PLSCR5: variants seen among roughly 807,000 people sequenced by gnomAD.
The protein encoded by PLSCR5 is phospholipid scramblase family member 5.
A neutral mutation model predicts 33.6 loss-of-function variants in PLSCR5; 44 were observed. The ratio of observed to expected loss-of-function variants is 1.31; its 90% CI spans 1.03 to 1.69. PLSCR5 has a LOEUF of 1.69. PLSCR5 is among the 40% of genes most tolerant of loss of function. PLSCR5 has a pLI of 0.00. For synonymous variants in PLSCR5, 148 were observed against 112.3 expected, an observed-to-expected ratio of 1.32 and a Z score of -2.01; for missense variants, 375 against 318.7, an observed-to-expected ratio of 1.18 and a Z score of -1.34.
At position 146,600,432 on chromosome 3, in the gene PLSCR5, A is replaced by G; in HGVS notation, c.45T>C (p.Gly15=). ...CTGGGTCTGGAGCTCCAGGAAGAAA[A>G]CCAGGCAGACCTCTTCTTTGGTTCT... ...DAQNQRRGLP[G]FLPGAPDPDQ... is the part of the protein sequence containing the mutation. The change falls in exon 2 of 8, where the codon GGT becomes GGC. Residue 15 remains glycine (G), a synonymous_variant. Coordinates refer to ENST00000443512, the MANE Select transcript of PLSCR5 (RefSeq NM_001085420.2). 6.2e-7 allele frequency: 1 copy of G among 1,601,604 alleles called. No individual in the cohort carries two copies. The highest frequency in any genetic ancestry group is 8.5e-7 in the Non-Finnish European group (1 of 1,172,514).
At chr3:146,599,180 C>CAGAT (rs2051232938) in intron 2 of PLSCR5, among the ~76,000 whole-genome samples, 5 of 152,188 alleles carry the variant, frequency 3.3e-5, no homozygotes, top group Admixed American at 3.3e-4. Context: ...CCATAAAATT[C>CAGAT]AGATAGTGAT....
At chr3:146,600,744 GTA>G (rs1352265746) in intron 1 of PLSCR5, among the ~76,000 whole-genome samples, 3 of 150,008 alleles carry the variant, frequency 2.0e-5, no homozygotes, top group Admixed American at 1.3e-4. Context: ...ATATGTATCT[GTA>G]TATATATAAT....
At chr3:146,603,360 A>C (rs2044836122) in intron 1 of PLSCR5, among the ~76,000 whole-genome samples, 1 of 152,144 alleles carries the variant, frequency 6.6e-6, no homozygotes, top group South Asian at 2.1e-4. Flanking sequence ...TAAACAAGAT[A>C]TCTAATTCAC....
chr3:146,592,644 C>T (rs558532579), intron 4 of PLSCR5, among the ~76,000 whole-genome samples: 1 of 152,142 alleles, frequency 6.6e-6, no homozygotes, highest in East Asian at 1.9e-4. Context: ...ATGCATATGT[C>T]TATAATGTTC....
Position 146,592,217 on chromosome 3 carries a change from C to T in PLSCR5, c.454-336G>A, listed in dbSNP as rs192281696. ...TACAACCATTGGTCAACCACTGAAGCTGTTCCTATGTGGTTACTCATATCT... is the reference window on the plus strand; with the variant it reads ...TACAACCATTGGTCAACCACTGAAGTTGTTCCTATGTGGTTACTCATATCT... On this transcript the variant is annotated intron_variant, in intron 4 of 7. Coordinates refer to ENST00000443512, the MANE Select transcript of PLSCR5 (RefSeq NM_001085420.2). 8.3e-4 allele frequency among the ~76,000 whole-genome samples: 126 copies of T among 152,174 alleles called. 1 individual carries two copies. The highest frequency in any genetic ancestry group is 1.6e-3 in the Admixed American group (24 of 15,254).
chr3:146,593,778 A>G, intron 4 of PLSCR5, 142 bp downstream of exon 4: 1 of 766,892 alleles, frequency 1.3e-6, no homozygotes, highest in Non-Finnish European at 2.1e-6. Flanking sequence ...CCTCAAGCTG[A>G]TCTGATCCTA....
At chr3:146,593,849 G>C (rs1178618486) in intron 4 of PLSCR5, 71 bp downstream of exon 4, 3 of 1,435,524 alleles carry the variant, frequency 2.1e-6, no homozygotes, top group Non-Finnish European at 2.9e-6. Context: ...CATTGCTCCA[G>C]ATGAATTCCT....
At chr3:146,600,836 T>C (rs2044807679) in intron 1 of PLSCR5, among the ~76,000 whole-genome samples, 2 of 148,772 alleles carry the variant, frequency 1.3e-5, no homozygotes, top group African/African-American at 4.9e-5. Flanking sequence ...TGAACCAAAA[T>C]GTGGAGAGTA....
rs759857762 is a variant in PLSCR5, at chr3:146,591,751, G to A, written c.584C>T (p.Thr195Ile). 1 of 1,611,376 alleles carries A rather than the reference G, an allele frequency of 6.2e-7. No individual in the cohort carries two copies. The highest frequency in any genetic ancestry group is 2.2e-5 in the East Asian group (1 of 44,764). ...DILKIVGPCV[T>I]CGCFGDVDFE... ...ATCCACATCGCCAAAACAGCCACAT[G>A]TCACACAAGGACCAACAATTTTCAA... The change falls in exon 5 of 8, where the codon ACA (threonine) becomes ATA (isoleucine). Residue 195 changes from threonine to isoleucine, a missense_variant. By Grantham distance (89) the Thr-to-Ile change is moderately conservative. Coordinates refer to ENST00000443512, the MANE Select transcript of PLSCR5 (RefSeq NM_001085420.2).
rs377510646 is a variant in PLSCR5 at position 146,589,761 on chromosome 3, T to C, written c.669A>G (p.Ser223=). 1.1e-5 allele frequency: 17 copies of C among 1,589,608 alleles called. No individual in the cohort carries two copies. In the African/African-American group the frequency reaches 2.1e-4, roughly 20 times the overall value. ...LTIGKISKYW[S]GFVNDVFTNA... is the part of the protein sequence containing the mutation. ...TTGTGAAGACATCATTTACAAATCC[T>C]GACCAGTACTTTGAAATCTTCCCAA... The change falls in exon 6 of 8, where the codon TCA becomes TCG. Residue 223 remains serine, a synonymous_variant. Transcript: ENST00000443512.
intron 1 of PLSCR5, among the ~76,000 whole-genome samples, chr3:146,604,385 A>T (rs1226899343): frequency 6.6e-6 from 1 of 152,064 alleles, no homozygotes; most frequent in African/African-American, 2.4e-5. Flanking sequence ...GGAATTTGAG[A>T]AAAAACTCAT....
At chr3:146,586,507 C>T (rs561159465) in intron 6 of PLSCR5, among the ~76,000 whole-genome samples, 1 of 152,204 alleles carries the variant, frequency 6.6e-6, no homozygotes, top group South Asian at 2.1e-4. Flanking sequence ...GGGTGATAAA[C>T]CCTTTGCAGA....
At chr3:146,593,590 G>A (rs62275362) in intron 4 of PLSCR5, among the ~76,000 whole-genome samples, 6,611 of 152,148 alleles carry the variant, frequency 0.043, 194 homozygotes, top group Middle Eastern at 0.095. Context: ...AGTTGGAGAA[G>A]ACAAAGGGTG....
chr3:146,585,275 TC>T (rs1442578158), downstream of PLSCR5, among the ~76,000 whole-genome samples: 1 of 152,096 alleles, frequency 6.6e-6, no homozygotes, highest in Non-Finnish European at 1.5e-5. Context: ...GAGCCTTAGA[TC>T]CCTTAATTGA....
intron 4 of PLSCR5, among the ~76,000 whole-genome samples, chr3:146,593,403 A>T (rs1435306619): frequency 2.6e-5 from 4 of 152,204 alleles, no homozygotes; most frequent in Non-Finnish European, 5.9e-5. Flanking sequence ...TCTATTATAT[A>T]TTAAAATAAA....
At chr3:146,595,788 C>T (rs1179020403) in intron 2 of PLSCR5, among the ~76,000 whole-genome samples, 1 of 152,136 alleles carries the variant, frequency 6.6e-6, no homozygotes, top group African/African-American at 2.4e-5. Flanking sequence ...CATGAAACAA[C>T]ACAATAATGA....
chr3:146,592,893 G>A (rs1423812033), intron 4 of PLSCR5, among the ~76,000 whole-genome samples: 2 of 151,998 alleles, frequency 1.3e-5, no homozygotes, highest in Non-Finnish European at 2.9e-5. Context: ...CTCTCTTGGG[G>A]CATATTAATA....
At chr3:146,598,399 T>C (rs1300615717) in intron 2 of PLSCR5, among the ~76,000 whole-genome samples, 2 of 152,216 alleles carry the variant, frequency 1.3e-5, no homozygotes, top group African/African-American at 4.8e-5. Flanking sequence ...AAATAAATGT[T>C]CTTTTAGTAT....
At chr3:146,595,726 A>G (rs1209554519) in intron 2 of PLSCR5, among the ~76,000 whole-genome samples, 1 of 152,208 alleles carries the variant, frequency 6.6e-6, no homozygotes, top group Non-Finnish European at 1.5e-5. Context: ...TTTTTAAACA[A>G]TCTCTGAATT....
Sources: gnomAD v4.1 joint callset for allele counts (sites outside exome capture counted in the v4.1 genomes callset) on GRCh38, gnomAD v4.1.1 for gene constraint, MANE v1.5 for transcripts, NCBI Gene and HGNC (gene_info 2026-07-23, HGNC 2026-07-21) for gene names.